The following TPH1 variants were observed in gnomAD, a reference collection of about 807,000 sequenced individuals.
TPH1 encodes tryptophan hydroxylase 1.
A neutral mutation model predicts 49.5 loss-of-function variants in TPH1; 37 were observed. The observed-to-expected ratio is 0.75, with a 90% CI of 0.58 to 0.98. The LOEUF is 0.98. Ranked by LOEUF, TPH1 falls within the 50% of genes least tolerant of loss-of-function variation. The pLI is 0.00. For synonymous variants in TPH1, 160 were observed against 182.1 expected (o/e 0.88, Z 0.98); for missense variants, 487 against 523.6 (o/e 0.93, Z 0.68).
intron 2 of TPH1, among the ~76,000 whole-genome samples, chr11:18,037,777 T>C (rs1203067856): frequency 2.0e-5 from 3 of 152,316 alleles, no homozygotes; most frequent in Admixed American, 2.0e-4. Context: ...GTAGAAGTAG[T>C]AAGTGAAACA....
chr11:18,046,224 A>AG lies in TPH1; in HGVS notation c.-27+16dup, dbSNP rs1848140005. ...ACGGCGGTCCCCGGTGCCCGCGGGAAGGGCCGCCTCACTCACCTCGGGCGC... is the reference window on the plus strand; with the variant it reads ...ACGGCGGTCCCCGGTGCCCGCGGGAAGGGGCCGCCTCACTCACCTCGGGCGC... On this transcript the variant is annotated intron_variant, in intron 1 of 10. Transcript: ENST00000682019. 6.6e-6 allele frequency among the ~76,000 whole-genome samples: 1 copy of AG among 152,158 alleles called. No homozygotes were observed. The highest frequency in any genetic ancestry group is 2.1e-4 in the South Asian group (1 of 4,834).
At chr11:18,024,058 G>T (rs1452673267) in intron 8 of TPH1, 75 bp from the exon 9 acceptor site, 6 of 1,129,030 alleles carry the variant, frequency 5.3e-6, no homozygotes, top group Non-Finnish European at 8.0e-6. Context: ...CTTAGTCACT[G>T]ACCCAAAATA....
At chr11:18,043,121 G>C (rs756036812) in intron 1 of TPH1, among the ~76,000 whole-genome samples, 4 of 152,152 alleles carry the variant, frequency 2.6e-5, no homozygotes, top group Admixed American at 6.6e-5. Flanking sequence ...GCAAATATAA[G>C]CTATTTCCTG....
chr11:18,027,844 T>TA (rs1401835592), intron 6 of TPH1, among the ~76,000 whole-genome samples: 1 of 152,240 alleles, frequency 6.6e-6, no homozygotes, highest in Non-Finnish European at 1.5e-5. Flanking sequence ...AGAAACCACT[T>TA]ACATAATTTC....
chr11:18,041,866 C>T (rs979883086), intron 1 of TPH1, among the ~76,000 whole-genome samples: 5 of 152,138 alleles, frequency 3.3e-5, no homozygotes, highest in African/African-American at 1.2e-4. Context: ...TCAACCCAAG[C>T]GCATTCACAT....
intron 2 of TPH1, among the ~76,000 whole-genome samples, chr11:18,039,325 T>C (rs943920421): frequency 6.6e-6 from 1 of 152,146 alleles, no homozygotes; most frequent in African/African-American, 2.4e-5. Flanking sequence ...ATGAGGTAGG[T>C]AGAGTTCTCA....
At chr11:18,031,913 C>T (rs543175258) in intron 4 of TPH1, among the ~76,000 whole-genome samples, 15 of 152,236 alleles carry the variant, frequency 9.9e-5, no homozygotes, top group Non-Finnish European at 1.2e-4. Context: ...AAATTTTCAC[C>T]TAGTGCACTT....
At chr11:18,022,771 T>C in intron 10 of TPH1, 27 bp downstream of exon 10, 2 of 1,611,268 alleles carry the variant, frequency 1.2e-6, no homozygotes, top group Non-Finnish European at 1.7e-6. Context: ...CTGAAGAAAA[T>C]GAAGGCGTGA....
chr11:18,043,065 T>C (rs960605787), intron 1 of TPH1, among the ~76,000 whole-genome samples: 1 of 152,346 alleles, frequency 6.6e-6, no homozygotes, highest in Admixed American at 6.5e-5. Context: ...TGAGTCCTCA[T>C]GTTTCCTGAT....
chr11:18,026,393 CAA>C (rs57335932), intron 7 of TPH1, 95 bp downstream of exon 7: 36,079 of 549,290 alleles, frequency 0.066, 1 homozygote, highest in East Asian at 0.09. Flanking sequence ...CCTCGCACAC[CAA>C]AAAAAAAAAA....
At chr11:18,029,947 A>G (rs2134028977) in intron 4 of TPH1, among the ~76,000 whole-genome samples, 1 of 152,340 alleles carries the variant, frequency 6.6e-6, no homozygotes, top group East Asian at 1.9e-4. Context: ...TACCTGTAAT[A>G]GTAATTAATA....
chr11:18,040,432 T>C (rs1848088945), intron 2 of TPH1, among the ~76,000 whole-genome samples: 1 of 150,966 alleles, frequency 6.6e-6, no homozygotes, highest in South Asian at 2.1e-4. Flanking sequence ...GGTGTGATCA[T>C]AGCTCACTCA....
chr11:18,033,524 T>G, intron 3 of TPH1, 150 bp from the exon 4 acceptor site: 3 of 642,160 alleles, frequency 4.7e-6, no homozygotes, highest in Non-Finnish European at 8.1e-6. Flanking sequence ...ATGAGTTAGG[T>G]AAATTGCCCT....
Position 18,026,496 on chromosome 11 carries a change from G to C in TPH1, c.797C>G (p.Pro266Arg). The change falls in exon 7 of 11, where the codon CCA becomes CGA. Residue 266 changes from proline to arginine, a missense_variant. Physicochemically the swap from Pro to Arg is moderately radical, Grantham distance 103 (BLOSUM62 -2). Transcript: ENST00000682019. ...CTGAAATAGAAGTACTTACGGCTCTGGGGTATAGAAGGGATCTGAACTGTG... is the reference window on the plus strand; with the variant it reads ...CTGAAATAGAAGTACTTACGGCTCTCGGGTATAGAAGGGATCTGAACTGTG... ...VRHSSDPFYT[P>R]EPDTCHELLG... 1 of 1,613,444 alleles carries C rather than the reference G, an allele frequency of 6.2e-7. No individual in the cohort carries two copies. The highest frequency in any genetic ancestry group is 8.5e-7 in the Non-Finnish European group (1 of 1,179,876).
chr11:18,023,819 A>G, intron 9 of TPH1, 69 bp downstream of exon 9: 1 of 1,311,654 alleles, frequency 7.6e-7, no homozygotes, highest in Non-Finnish European at 1.1e-6. Flanking sequence ...TTCAAAAGCA[A>G]AAACTATTTC....
rs775616829 is a variant in TPH1 at position 18,026,470 on chromosome 11, G to A, written c.803+20C>T. The A allele has an allele frequency of 1.9e-6, 3 of 1,611,340 alleles. No homozygotes were observed. The highest frequency in any genetic ancestry group is 1.3e-5 in the African/African-American group (1 of 74,414). Reference sequence around the variant, plus strand: ...TAAATAACCATTTGATGAATTCCTGGCTGAAATAGAAGTACTTACGGCTCT... The same window carrying A: ...TAAATAACCATTTGATGAATTCCTGACTGAAATAGAAGTACTTACGGCTCT... On this transcript the variant is annotated intron_variant, in intron 7 of 10. Coordinates refer to ENST00000682019, the MANE Select transcript of TPH1 (RefSeq NM_004179.3).
rs535824279 is a variant in TPH1 at position 18,034,009 on chromosome 11, C to A, written c.302-635G>T. ...AAAGCCTTCCCTCACCCTGTAGGTA[C>A]AGCTAATTATCTGTCCCCTGGGTTC... On this transcript the variant is annotated intron_variant, in intron 3 of 10. Transcript: ENST00000682019. Among the ~76,000 whole-genome samples, 3 of 152,288 alleles carry A rather than the reference C, an allele frequency of 2.0e-5. No individual in the cohort carries two copies. In the East Asian group the frequency reaches 5.8e-4, roughly 29 times the overall value.
rs145607878 is a variant in TPH1, at chr11:18,045,039, G to A, written c.-27+1202C>T. ...TCAACAGACCCGACCCTTGGGAGAG[G>A]TCAAGGCGTATACAATGACCAACTC... On this transcript the variant is annotated intron_variant, in intron 1 of 10. Coordinates refer to ENST00000682019, the MANE Select transcript of TPH1 (RefSeq NM_004179.3). Among the ~76,000 whole-genome samples, 95 of 152,284 alleles carry A rather than the reference G, an allele frequency of 6.2e-4. No homozygotes were observed. The East Asian group carries it at 0.016, about 26-fold the overall frequency.
intron 6 of TPH1, among the ~76,000 whole-genome samples, chr11:18,028,948 C>T (rs897948602): frequency 5.9e-5 from 9 of 151,864 alleles, no homozygotes; most frequent in African/African-American, 2.2e-4. Flanking sequence ...GCCTGTAGTC[C>T]CAGCACTTTG....
Sources: allele counts gnomAD v4.1 joint callset (sites outside exome capture counted in the v4.1 genomes callset), GRCh38; gene constraint gnomAD v4.1.1; transcripts MANE v1.5; gene names NCBI Gene and HGNC (gene_info 2026-07-23, HGNC 2026-07-21).